The following ALMS1 variants were observed in gnomAD, a reference collection of about 807,000 sequenced individuals.
ALMS1 encodes the protein centrosome-associated protein ALMS1.
A neutral mutation model predicts 352.2 loss-of-function variants in ALMS1; 271 were observed. The ratio of observed to expected loss-of-function variants is 0.77; its 90% confidence interval spans 0.70 to 0.85. The LOEUF (loss-of-function observed/expected upper bound fraction) is 0.85. Ranked by LOEUF, ALMS1 falls within the 40% of genes least tolerant of loss-of-function variation. The probability of loss-of-function intolerance (pLI) is 0.00; values close to 1 mark genes in which losing one functional copy is unlikely to be tolerated. For synonymous variants in ALMS1, 1,865 were observed against 1,761.2 expected (o/e 1.06, Z -1.48); for missense variants, 5,445 against 4,870.7 (o/e 1.12, Z -3.51).
chr2:73,409,967 G>T (rs1245434890), intron 2 of ALMS1, among the ~76,000 whole-genome samples: 1 of 152,182 alleles, frequency 6.6e-6, no homozygotes, highest in Non-Finnish European at 1.5e-5. Flanking sequence ...CAGGCAGAGA[G>T]AACACATTCT....
intron 9 of ALMS1, among the ~76,000 whole-genome samples, chr2:73,455,722 A>T (rs1050897600): frequency 6.6e-6 from 1 of 152,232 alleles, no homozygotes; most frequent in African/African-American, 2.4e-5. Context: ...ATTTTTCAAA[A>T]GTTAAGATAT....
intron 2 of ALMS1, among the ~76,000 whole-genome samples, chr2:73,411,819 A>G (rs913981185): frequency 2.0e-5 from 3 of 152,084 alleles, no homozygotes; most frequent in Admixed American, 6.5e-5. Context: ...TATTTCATCT[A>G]ATCTCCAGTG....
intron 16 of ALMS1, among the ~76,000 whole-genome samples, chr2:73,599,065 T>C (rs148114652): frequency 2.0e-5 from 3 of 152,318 alleles, no homozygotes; most frequent in Non-Finnish European, 2.9e-5. Flanking sequence ...TTATCTCACA[T>C]GAAAATTATG....
At chr2:73,521,954 C>T (rs1247469242) in intron 11 of ALMS1, among the ~76,000 whole-genome samples, 1 of 151,976 alleles carries the variant, frequency 6.6e-6, no homozygotes, top group African/African-American at 2.4e-5. Flanking sequence ...TTGTACAAAA[C>T]ATTTTAAGGT....
chr2:73,515,062 G>T (rs1228256803), intron 10 of ALMS1, among the ~76,000 whole-genome samples: 1 of 152,100 alleles, frequency 6.6e-6, no homozygotes, highest in Admixed American at 6.6e-5. Context: ...CTAGGAGTAA[G>T]ATTACACATG....
rs1043864701 is a variant in ALMS1, at chr2:73,543,842, G to A, written c.9908-6425G>A. Among the ~76,000 whole-genome samples, 49 of 152,220 alleles carry A rather than the reference G, an allele frequency of 3.2e-4. 1 individual carries two copies. Among genetic ancestry groups the A allele is most frequent in the Admixed American group, 2.1e-3 (32 of 15,286 alleles). On this transcript the variant is annotated intron_variant, in intron 12 of 22. Coordinates refer to ENST00000613296, the MANE Select transcript of ALMS1 (RefSeq NM_001378454.1). The stretch of plus-strand genomic sequence containing the variant: ...ACCATCTTACACCAGTTAGAATGGC[G>A]ATCATTAAAAAGTCAGGAAACAATA...
intron 15 of ALMS1, among the ~76,000 whole-genome samples, chr2:73,563,750 A>G (rs1000294379): frequency 3.3e-5 from 5 of 150,466 alleles, no homozygotes; most frequent in Admixed American, 1.3e-4. Flanking sequence ...ATAAAAATAA[A>G]AAATGAAGGT....
chr2:73,417,817 T>C (rs1671206207), intron 2 of ALMS1, among the ~76,000 whole-genome samples: 1 of 152,230 alleles, frequency 6.6e-6, no homozygotes, highest in African/African-American at 2.4e-5. Context: ...ACTTAATTAT[T>C]AACTAATATT....
chr2:73,468,377 T>G (rs1318470521), intron 9 of ALMS1, among the ~76,000 whole-genome samples: 1 of 152,054 alleles, frequency 6.6e-6, no homozygotes. Flanking sequence ...ATTTTTTTTA[T>G]CATGGTAAAA....
intron 9 of ALMS1, among the ~76,000 whole-genome samples, chr2:73,484,008 G>T (rs1349931864): frequency 4.0e-5 from 6 of 151,364 alleles, no homozygotes; most frequent in Non-Finnish European, 7.4e-5. Context: ...GCACACTGAT[G>T]GGTCTTGACT....
intron 11 of ALMS1, among the ~76,000 whole-genome samples, chr2:73,522,056 C>T (rs554161993): frequency 3.3e-5 from 5 of 152,118 alleles, no homozygotes; most frequent in South Asian, 2.1e-4. Context: ...TTTCCTTTCC[C>T]GGAAGCAGCC....
At chr2:73,405,357 C>T (rs1670951889) in intron 1 of ALMS1, among the ~76,000 whole-genome samples, 1 of 152,036 alleles carries the variant, frequency 6.6e-6, no homozygotes, top group Non-Finnish European at 1.5e-5. Flanking sequence ...TCTAGGCTGT[C>T]CAATTAGTTG....
At position 73,572,502 on chromosome 2, in the gene ALMS1, A is replaced by G. The variant is rs761771973; in HGVS notation, c.10625A>G (p.Tyr3542Cys). 8.1e-6 allele frequency: 13 copies of G among 1,613,784 alleles called. No individual in the cohort carries two copies. The African/African-American group carries it at 1.2e-4, about 15-fold the overall frequency. The change falls in exon 16 of 23, where the codon TAT becomes TGT. Residue 3542 changes from tyrosine to cysteine, a missense_variant. Transcript: ENST00000613296. The stretch of plus-strand genomic sequence containing the variant: ...AACATGGACAAGACTAAGACAGATT[A>G]TACCAGAATAAAGAGCCTCAGCATC... ...YQNMDKTKTD[Y>C]TRIKSLSINV...
intron 9 of ALMS1, among the ~76,000 whole-genome samples, chr2:73,469,204 A>C (rs1481094820): frequency 1.3e-5 from 2 of 151,970 alleles, no homozygotes; most frequent in Non-Finnish European, 2.9e-5. Context: ...AAAAACCATG[A>C]AGTAAACTTT....
intron 8 of ALMS1, among the ~76,000 whole-genome samples, chr2:73,454,577 A>G (rs543366773): frequency 2.4e-4 from 36 of 151,736 alleles, no homozygotes; most frequent in African/African-American, 8.5e-4. Flanking sequence ...AAAAAAATCA[A>G]TGTATTTTAT....
At chr2:73,426,359 G>T in intron 5 of ALMS1, 94 bp from the exon 6 acceptor site, 1 of 1,223,988 alleles carries the variant, frequency 8.2e-7, no homozygotes. Flanking sequence ...ATTGCTGAAA[G>T]CTGATATAGG....
At chr2:73,586,027 T>C (rs1462975721) in intron 16 of ALMS1, among the ~76,000 whole-genome samples, 1 of 152,236 alleles carries the variant, frequency 6.6e-6, no homozygotes, top group East Asian at 1.9e-4. Flanking sequence ...CCCAAGATGC[T>C]GGGATTACAG....
intron 8 of ALMS1, chr2:73,454,287 G>A (rs1041166908): frequency 4.1e-6 from 4 of 975,758 alleles, no homozygotes; most frequent in African/African-American, 1.8e-5. Context: ...AACCAATAAT[G>A]TAGTTAAGTT....
At chr2:73,551,425 CTTTTTTTTTTTTTTTT>C (rs372741747) in intron 13 of ALMS1, among the ~76,000 whole-genome samples, 1 of 73,688 alleles carries the variant, frequency 1.4e-5, no homozygotes, top group East Asian at 3.2e-4. Flanking sequence ...GAGTTTCAAT[CTTTTTTTTTTTTTTTT>C]TTTTTTTTTT....
Sources: gnomAD v4.1 joint callset for allele counts (sites outside exome capture counted in the v4.1 genomes callset) on GRCh38, gnomAD v4.1.1 for gene constraint, MANE v1.5 for transcripts, NCBI Gene and HGNC (gene_info 2026-07-23, HGNC 2026-07-21) for gene names.